The following WNT10A variants were observed in gnomAD, a reference collection of about 807,000 sequenced individuals.
WNT10A encodes the protein protein Wnt-10a.
In WNT10A, 37 loss-of-function variants were observed where a neutral mutation model predicts 36.1. That is an observed-to-expected ratio of 1.02 (90% CI 0.79 to 1.35). WNT10A has a LOEUF of 1.35. WNT10A is among the 40% of genes most tolerant of loss of function. WNT10A has a pLI of 0.00. For missense variants in WNT10A, 613 were observed against 601.4 expected, an observed-to-expected ratio of 1.02 and a Z score of -0.20; for synonymous variants, 255 against 254.1, an observed-to-expected ratio of 1.00 and a Z score of -0.03.
At chr2:218,889,483 C>G (rs1422890288) in intron 2 of WNT10A, among the ~76,000 whole-genome samples, 2 of 152,132 alleles carry the variant, frequency 1.3e-5, no homozygotes, top group Non-Finnish European at 2.9e-5. Flanking sequence ...ACTTTTAGTT[C>G]TTTGAGGAAT....
chr2:218,883,516 G>A (rs2106012321), intron 2 of WNT10A, among the ~76,000 whole-genome samples: 1 of 150,088 alleles, frequency 6.7e-6, no homozygotes, highest in South Asian at 2.1e-4. Context: ...GCCTCCACCA[G>A]CCCAGCCCCA....
At chr2:218,879,465 C>G (rs1575228505), upstream of WNT10A, among the ~76,000 whole-genome samples, 1 of 152,226 alleles carries the variant, frequency 6.6e-6, no homozygotes, top group Admixed American at 6.5e-5. Context: ...AAACAGACGG[C>G]AGAGCTGCCT....
intron 3 of WNT10A, among the ~76,000 whole-genome samples, chr2:218,890,900 C>G (rs926494847): frequency 2.6e-5 from 4 of 152,172 alleles, no homozygotes; most frequent in African/African-American, 9.7e-5. Flanking sequence ...TCTCCTTTAT[C>G]CTCTGTCCTC....
chr2:218,892,811 A>G lies in WNT10A; in HGVS notation c.794A>G (p.His265Arg). The change falls in exon 4 of 4, where the codon CAC becomes CGC. Residue 265 changes from histidine (H) to arginine (R), a missense_variant. By Grantham distance (29) the His-to-Arg change is conservative (BLOSUM62 0). Transcript: ENST00000258411. Reference sequence around the variant, plus strand: ...AACATGCGGCGGAAGTGCAAGTGCCACGGCACGTCAGGCAGCTGCCAGCTC... The same window carrying G: ...AACATGCGGCGGAAGTGCAAGTGCCGCGGCACGTCAGGCAGCTGCCAGCTC... ...MENMRRKCKC[H>R]GTSGSCQLKT... 6.3e-7 allele frequency: 1 copy of G among 1,596,854 alleles called. No individual in the cohort carries two copies. Among genetic ancestry groups the G allele is most frequent in the Non-Finnish European group, 8.5e-7 (1 of 1,173,230 alleles).
chr2:218,875,528 G>A, the WNT10A span, among the ~76,000 whole-genome samples: 2 of 152,144 alleles, frequency 1.3e-5, no homozygotes, highest in African/African-American at 4.8e-5. Context: ...AAACTTGAAG[G>A]CAGAAGCTGT....
intron 2 of WNT10A, among the ~76,000 whole-genome samples, chr2:218,886,024 A>G (rs2385199): frequency 0.25 from 38,142 of 152,082 alleles, 5,479 homozygotes; most frequent in African/African-American, 0.39. Flanking sequence ...CATTAGTCAC[A>G]CAGCTTAAAA....
rs927135213 is a variant in WNT10A, at chr2:218,893,060, G to A, written c.1043G>A (p.Arg348His). 1.9e-6 allele frequency: 3 copies of A among 1,596,422 alleles called. No homozygotes were observed. The highest frequency in any genetic ancestry group is 1.7e-4 in the Middle Eastern group (1 of 5,808). Residue 348 changes from arginine (R) to histidine (H), a missense_variant, in exon 4 of 4, where the codon CGC (arginine) becomes CAC (histidine). Transcript: ENST00000258411. This position sits in a 1 kb window ranked among gnomAD's most constrained non-coding sequence, Gnocchi z 6.3. The part of the protein sequence containing the change: ...YFEKSPDFCE[R>H]EPRLDSAGTV... ...GAAAAGTCTCCCGACTTCTGCGAGC[G>A]CGAGCCGCGCCTGGACTCGGCGGGC...
intron 3 of WNT10A, among the ~76,000 whole-genome samples, chr2:218,892,140 G>C (rs542023317): frequency 6.6e-6 from 1 of 152,198 alleles, no homozygotes; most frequent in Non-Finnish European, 1.5e-5. Flanking sequence ...TCTCAGCATA[G>C]TGCAGAATGA....
upstream of WNT10A, among the ~76,000 whole-genome samples, chr2:218,878,717 C>T (rs1049547867): frequency 6.6e-6 from 1 of 152,226 alleles, no homozygotes; most frequent in Non-Finnish European, 1.5e-5. This position sits in a 1 kb window ranked among gnomAD's most constrained non-coding sequence, Gnocchi z 4.1. Context: ...CTAGTGTGAG[C>T]GCGTGATGGG....
intron 2 of WNT10A, 64 bp from the exon 3 acceptor site, chr2:218,889,918 GGT>G (rs761342545): frequency 1.2e-6 from 2 of 1,607,952 alleles, no homozygotes; most frequent in Non-Finnish European, 1.7e-6. Context: ...TGATGAGAAA[GGT>G]GGGCTGGAGA....
upstream of WNT10A, among the ~76,000 whole-genome samples, chr2:218,877,731 T>G (rs116135467): frequency 2.4e-3 from 367 of 152,330 alleles, no homozygotes; most frequent in African/African-American, 8.3e-3. This position sits in a 1 kb window ranked among gnomAD's most constrained non-coding sequence, Gnocchi z 4.1. Flanking sequence ...CCCTTCCCTT[T>G]CAATGACCAA....
At chr2:218,882,759 G>A (rs559203806) in intron 2 of WNT10A, among the ~76,000 whole-genome samples, 1 of 152,204 alleles carries the variant, frequency 6.6e-6, no homozygotes, top group Non-Finnish European at 1.5e-5. Context: ...CTTACCCTCT[G>A]CTTAGTAAAC....
intron 2 of WNT10A, among the ~76,000 whole-genome samples, chr2:218,889,644 C>T (rs1944621794): frequency 1.3e-5 from 2 of 152,174 alleles, no homozygotes; most frequent in Admixed American, 1.3e-4. Flanking sequence ...GATTAAGTCC[C>T]TGATTGTAAA....
At chr2:218,892,681 A>G (rs1944667146) in intron 3 of WNT10A, 93 bp from the exon 4 acceptor site, 5 of 1,531,240 alleles carry the variant, frequency 3.3e-6, no homozygotes, top group South Asian at 1.2e-5. Flanking sequence ...CCTCTGTATA[A>G]TGGGAGTGGG....
chr2:218,893,407 C>T lies in WNT10A; in HGVS notation c.*136C>T. 1.6e-6 allele frequency: 2 copies of T among 1,282,514 alleles called. No individual in the cohort carries two copies. The highest frequency in any genetic ancestry group is 1.5e-5 in the South Asian group (1 of 65,726). The allele number at this position is 1,282,514 out of a possible 1,614,324, so 79.4% of individuals were successfully genotyped here. On this transcript the variant is annotated 3_prime_UTR_variant, in exon 4 of 4. Transcript: ENST00000258411. The surrounding 1 kb of genome is among the most constrained non-coding windows in gnomAD (Gnocchi z 6.3). ...TGGACCACATGATCTTATAGGAACC[C>T]CTCAGCTCTGAGGTCTGTGATCGCC... is the stretch of plus-strand genomic sequence containing the variant.
the WNT10A span, among the ~76,000 whole-genome samples, chr2:218,875,508 A>G: frequency 6.6e-6 from 1 of 152,150 alleles, no homozygotes; most frequent in Non-Finnish European, 1.5e-5. Flanking sequence ...CTTTCAAAGG[A>G]AAGTGTACCA....
At position 218,893,049 on chromosome 2, in the gene WNT10A, C is replaced by A. The variant is rs1310054365; in HGVS notation, c.1032C>A (p.Asp344Glu). The change falls in exon 4 of 4, where the codon GAC (aspartate) becomes GAA (glutamate). Residue 344 changes from aspartate to glutamate, a missense_variant. By Grantham distance (45) the Asp-to-Glu change is conservative. Transcript: ENST00000258411. The surrounding 1 kb of genome is among the most constrained non-coding windows in gnomAD (Gnocchi z 6.3). The part of the protein sequence containing the change: ...ADLVYFEKSP[D>E]FCEREPRLDS... ...TGGTCTACTTCGAAAAGTCTCCCGACTTCTGCGAGCGCGAGCCGCGCCTGG... is the reference window on the plus strand; with the variant it reads ...TGGTCTACTTCGAAAAGTCTCCCGAATTCTGCGAGCGCGAGCCGCGCCTGG... 1 of 1,596,362 alleles carries A rather than the reference C, an allele frequency of 6.3e-7. No homozygotes were observed.
upstream of WNT10A, among the ~76,000 whole-genome samples, chr2:218,877,186 A>G (rs560018789): frequency 6.6e-6 from 1 of 152,232 alleles, no homozygotes; most frequent in East Asian, 1.9e-4. The surrounding 1 kb of genome is among the most constrained non-coding windows in gnomAD (Gnocchi z 4.1). Context: ...CTTGTTTGCT[A>G]GCTTGACCTT....
chr2:218,893,404 A>C lies in WNT10A; in HGVS notation c.*133A>C. On this transcript the variant is annotated 3_prime_UTR_variant, in exon 4 of 4. Transcript: ENST00000258411. The surrounding 1 kb of genome is among the most constrained non-coding windows in gnomAD (Gnocchi z 6.3). ...GATTGGACCACATGATCTTATAGGA[A>C]CCCCTCAGCTCTGAGGTCTGTGATC... 1 of 1,287,748 alleles carries C rather than the reference A, an allele frequency of 7.8e-7. No individual in the cohort carries two copies. The highest frequency in any genetic ancestry group is 1.0e-6 in the Non-Finnish European group (1 of 962,354). The allele number at this position is 1,287,748 out of a possible 1,614,324, so 79.8% of individuals were successfully genotyped here.
Sources: allele counts gnomAD v4.1 joint callset (sites outside exome capture counted in the v4.1 genomes callset), GRCh38; gene constraint gnomAD v4.1.1; non-coding constraint Gnocchi (gnomAD v3.1); transcripts MANE v1.5; gene names NCBI Gene and HGNC (gene_info 2026-07-23, HGNC 2026-07-21).